Variants in ITGAM observed in about 807,000 individuals in gnomAD.
The protein encoded by ITGAM is integrin alpha-M.
A neutral mutation model predicts 137.5 loss-of-function variants in ITGAM; 79 were observed. That is an observed-to-expected ratio of 0.57 (90% CI 0.48 to 0.69). The LOEUF is 0.69. ITGAM is among the 30% of genes least tolerant of loss of function. The pLI is 0.00. For synonymous variants in ITGAM, 583 were observed against 592.3 expected (o/e 0.98, Z 0.23); for missense variants, 1,343 against 1,483.5 (o/e 0.91, Z 1.56).
intron 12 of ITGAM, among the ~76,000 whole-genome samples, chr16:31,289,812 T>A (rs373180110): frequency 7.2e-5 from 11 of 152,324 alleles, no homozygotes; most frequent in African/African-American, 2.6e-4. Flanking sequence ...CCGGGCCCAG[T>A]GGCTCACGCC....
chr16:31,331,590 C>CT, intron 29 of ITGAM, 46 bp from the exon 30 acceptor site: 6 of 1,493,292 alleles, frequency 4.0e-6, no homozygotes, highest in Non-Finnish European at 5.5e-6. Flanking sequence ...CGGAGCCGCA[C>CT]GCTCCCTGGC....
intron 16 of ITGAM, among the ~76,000 whole-genome samples, chr16:31,323,447 C>T (rs1286028564): frequency 6.6e-6 from 1 of 151,390 alleles, no homozygotes; most frequent in Non-Finnish European, 1.5e-5. Flanking sequence ...AAAAAAATTC[C>T]CCAAACTGAT....
chr16:31,331,515 T>G, intron 29 of ITGAM, 121 bp from the exon 30 acceptor site: 75 of 456,632 alleles, frequency 1.6e-4, no homozygotes, highest in East Asian at 6.1e-4. Context: ...GTCACTCCCC[T>G]CCCGCCCCGC....
At chr16:31,321,659 A>C (rs1238151263) in intron 16 of ITGAM, 32 bp downstream of exon 16, 1 of 1,605,020 alleles carries the variant, frequency 6.2e-7, no homozygotes, top group Non-Finnish European at 8.5e-7. Flanking sequence ...TCAAGAGGTT[A>C]AACGACCGAG....
intron 12 of ITGAM, among the ~76,000 whole-genome samples, chr16:31,280,335 C>A (rs1336992853): frequency 6.6e-6 from 1 of 152,082 alleles, no homozygotes; most frequent in Non-Finnish European, 1.5e-5. Context: ...GGCAGTATGG[C>A]CATTTTCACG....
chr16:31,282,940 C>T lies in ITGAM; in HGVS notation c.1356+4831C>T, dbSNP rs575583174. On this transcript the variant is annotated intron_variant, in intron 12 of 29. Transcript: ENST00000544665. ...TGGTGACAAAATCTCTCAGCATTTG[C>T]TTGTCTGTAAAGTATTTTATTTCTC... 1.7e-3 allele frequency among the ~76,000 whole-genome samples: 263 copies of T among 152,256 alleles called. 1 individual carries two copies. Among genetic ancestry groups the T allele is most frequent in the Non-Finnish European group, 2.9e-3 (198 of 68,018 alleles).
chr16:31,325,354 A>G lies in ITGAM; in HGVS notation c.2455A>G (p.Thr819Ala). The G allele has an allele frequency of 6.2e-7, 1 of 1,613,878 alleles. No homozygotes were observed. Among genetic ancestry groups the G allele is most frequent in the Non-Finnish European group, 8.5e-7 (1 of 1,179,832 alleles). Residue 819 changes from threonine (T) to alanine (A), a missense_variant, in exon 20 of 30, where the codon ACC becomes GCC. By Grantham distance (58) the Thr-to-Ala change is moderately conservative. Coordinates refer to ENST00000544665, the MANE Select transcript of ITGAM (RefSeq NM_000632.4). Reference sequence around the variant, plus strand: ...TGAGGACTCCTACAGGACACAGGTCACCTTCTTCTTCCCGCTTGACCTGTC... The same window carrying G: ...TGAGGACTCCTACAGGACACAGGTCGCCTTCTTCTTCCCGCTTGACCTGTC... ...DGEDSYRTQV[T>A]FFFPLDLSYR...
At chr16:31,269,803 G>T (rs1019365215) in intron 5 of ITGAM, among the ~76,000 whole-genome samples, 3 of 152,148 alleles carry the variant, frequency 2.0e-5, no homozygotes, top group Non-Finnish European at 4.4e-5. Flanking sequence ...TTGGTCTTTT[G>T]TGAAGGACAT....
Position 31,297,963 on chromosome 16 carries a change from T to G in ITGAM, c.1707+9T>G, listed in dbSNP as rs779619611. On this transcript the variant is annotated intron_variant, in intron 14 of 29. Coordinates refer to ENST00000544665, the MANE Select transcript of ITGAM (RefSeq NM_000632.4). ...GCCCCTCCCATAGCCAGGTGAGACC[T>G]GGTCACTGTCCTTGTCATGACAGTA... 6.2e-7 allele frequency: 1 copy of G among 1,607,684 alleles called. No individual in the cohort carries two copies. Among genetic ancestry groups the G allele is most frequent in the Non-Finnish European group, 8.5e-7 (1 of 1,174,308 alleles).
rs554682897 is a variant in ITGAM at position 31,299,084 on chromosome 16, A to T, written c.1707+1130A>T. On this transcript the variant is annotated intron_variant, in intron 14 of 29. Transcript: ENST00000544665. ...CATTTTTCTTTCTTTATGTTTAAAAATTTTTTTATTGTGGTAAGGGCACTT... is the reference window on the plus strand; with the variant it reads ...CATTTTTCTTTCTTTATGTTTAAAATTTTTTTTATTGTGGTAAGGGCACTT... 3.9e-5 allele frequency among the ~76,000 whole-genome samples: 6 copies of T among 152,184 alleles called. No homozygotes were observed. The East Asian group carries it at 5.8e-4, about 15-fold the overall frequency.
rs559570456 is a variant in ITGAM, at chr16:31,332,756, A to C, written c.*1049A>C. The C allele has an allele frequency of 6.6e-6, 1 of 152,262 alleles. No individual in the cohort carries two copies. Among genetic ancestry groups the C allele is most frequent in the Admixed American group, 6.5e-5 (1 of 15,290 alleles). The allele number at this position is 152,262 out of a possible 1,614,324, so 9.4% of individuals were successfully genotyped here. On this transcript the variant is annotated 3_prime_UTR_variant, in exon 30 of 30. Coordinates refer to ENST00000544665, the MANE Select transcript of ITGAM (RefSeq NM_000632.4). ...TTTTCATTCTTTTATACCGCTGCAT[A>C]GTATTCCATTGTGTGAGTGTACCAT...
At chr16:31,322,501 C>T (rs147161649) in intron 16 of ITGAM, among the ~76,000 whole-genome samples, 1 of 152,190 alleles carries the variant, frequency 6.6e-6, no homozygotes, top group East Asian at 1.9e-4. Flanking sequence ...TCCAAGACAC[C>T]CAGTAGAAAA....
chr16:31,309,622 C>G (rs1215342328), intron 14 of ITGAM, among the ~76,000 whole-genome samples: 1 of 151,834 alleles, frequency 6.6e-6, no homozygotes, highest in East Asian at 1.9e-4. Flanking sequence ...CCAGTCTGTG[C>G]CTTTTAATTG....
intron 21 of ITGAM, 34 bp downstream of exon 21, chr16:31,325,656 T>A: frequency 1.3e-6 from 2 of 1,591,990 alleles, no homozygotes; most frequent in South Asian, 2.3e-5. Context: ...TCCTTTTCTC[T>A]TTGATTTCTT....
At chr16:31,309,632 G>A (rs1464260107) in intron 14 of ITGAM, among the ~76,000 whole-genome samples, 1 of 152,012 alleles carries the variant, frequency 6.6e-6, no homozygotes, top group African/African-American at 2.4e-5. Context: ...CCTTTTAATT[G>A]GAACATTAAG....
intron 5 of ITGAM, among the ~76,000 whole-genome samples, chr16:31,270,459 C>T (rs1406011274): frequency 6.6e-6 from 1 of 151,352 alleles, no homozygotes; most frequent in Non-Finnish European, 1.5e-5. Context: ...TTCCCTGATT[C>T]CCTTGGGCAG....
chr16:31,284,632 C>T (rs1207064885), intron 12 of ITGAM, among the ~76,000 whole-genome samples: 1 of 152,178 alleles, frequency 6.6e-6, no homozygotes, highest in Non-Finnish European at 1.5e-5. Flanking sequence ...GTCACGGCTT[C>T]CCTTGGCTAG....
chr16:31,328,496 GTGGATGTGAGTGTGAT>G (rs2080533411), intron 23 of ITGAM, among the ~76,000 whole-genome samples: 1 of 151,634 alleles, frequency 6.6e-6, no homozygotes, highest in Non-Finnish European at 1.5e-5. Flanking sequence ...GCGTGTATTT[GTGGATGTGAGTGTGAT>G]CTATGTGTGT....
Position 31,332,617 on chromosome 16 carries a change from T to TAC in ITGAM, c.*920_*921dup, listed in dbSNP as rs1357666951. 6.6e-6 allele frequency: 1 copy of TAC among 151,252 alleles called. No homozygotes were observed. Among genetic ancestry groups the TAC allele is most frequent in the Non-Finnish European group, 1.5e-5 (1 of 67,738 alleles). The allele number at this position is 151,252 out of a possible 1,614,324, so 9.4% of individuals were successfully genotyped here. A position where few individuals can be genotyped will look rare whatever the true frequency, so the allele number is the denominator to read the frequency against. On this transcript the variant is annotated 3_prime_UTR_variant, in exon 30 of 30. Transcript: ENST00000544665. ...TGCACGTGTGCACACACACCACACA[T>TAC]ACACACACACAAGCTTTTTTACACA...
Sources: allele counts gnomAD v4.1 joint callset (sites outside exome capture counted in the v4.1 genomes callset), GRCh38; gene constraint gnomAD v4.1.1; transcripts MANE v1.5; gene names NCBI Gene and HGNC (gene_info 2026-07-23, HGNC 2026-07-21).